The following FGD3 variants were observed in gnomAD, a reference collection of about 807,000 sequenced individuals.
FGD3 encodes the protein FYVE, RhoGEF and PH domain-containing protein 3.
Under a neutral mutation model 71.8 loss-of-function variants are expected in FGD3, and 45 were observed. That is an observed-to-expected ratio of 0.63 (90% CI 0.49 to 0.80). The LOEUF is 0.80. Ranked by LOEUF, FGD3 falls within the 30% of genes least tolerant of loss-of-function variation. The probability of loss-of-function intolerance (pLI) is 0.00; values close to 1 mark genes in which losing one functional copy is unlikely to be tolerated. For missense variants in FGD3, 844 were observed against 951.5 expected, an observed-to-expected ratio of 0.89 and a Z score of 1.49; for synonymous variants, 378 against 392.8, an observed-to-expected ratio of 0.96 and a Z score of 0.44.
chr9:92,994,382 G>A (rs1860546314), intron 3 of FGD3, among the ~76,000 whole-genome samples: 3 of 151,862 alleles, frequency 2.0e-5, no homozygotes, highest in South Asian at 2.1e-4. Context: ...TTGTCAGATG[G>A]GTAGATTGCA....
chr9:93,030,083 C>A, intron 15 of FGD3, 87 bp downstream of exon 15: 2 of 1,487,928 alleles, frequency 1.3e-6, no homozygotes, highest in South Asian at 2.4e-5. Flanking sequence ...AGCAGCACAC[C>A]AGCCATGCAC....
intron 3 of FGD3, among the ~76,000 whole-genome samples, chr9:92,991,533 G>C (rs988266766): frequency 6.6e-6 from 1 of 151,902 alleles, no homozygotes. Context: ...ATATAATTTT[G>C]ATTTAAAAAA....
In FGD3 at chr9:93,003,977, A is replaced by T. The variant is rs758992365; in HGVS notation, c.544-24A>T. 2.5e-6 allele frequency: 4 copies of T among 1,613,396 alleles called. No homozygotes were observed. The Admixed American group carries it at 6.7e-5, about 27-fold the overall frequency. ...GCTCAGTGGAAGAGGCTCACTGGCC[A>T]CACGTGGGCTTCTCTATGCTCAGGT... On this transcript the variant is annotated intron_variant, in intron 4 of 17. Transcript: ENST00000375482. This position sits in a 1 kb window ranked among gnomAD's most constrained non-coding sequence, Gnocchi z 4.1.
intron 1 of FGD3, among the ~76,000 whole-genome samples, chr9:92,956,667 C>T (rs1157334196): frequency 6.6e-6 from 1 of 152,124 alleles, no homozygotes; most frequent in African/African-American, 2.4e-5. Flanking sequence ...TTTCAGCCAC[C>T]TAGCCAGTGG....
At chr9:92,958,567 G>GT (rs1432398274) in intron 1 of FGD3, among the ~76,000 whole-genome samples, 1 of 152,170 alleles carries the variant, frequency 6.6e-6, no homozygotes, top group East Asian at 1.9e-4. Context: ...ATATTTTCAG[G>GT]TTGAAGAAGT....
At chr9:92,968,553 C>T (rs375798016) in intron 1 of FGD3, among the ~76,000 whole-genome samples, 117 of 152,112 alleles carry the variant, frequency 7.7e-4, no homozygotes, top group African/African-American at 2.6e-3. Flanking sequence ...TTCCAGGCAC[C>T]GCTAGGTCAC....
chr9:93,010,536 A>AGAGGC, intron 7 of FGD3, 152 bp downstream of exon 7: 1 of 774,782 alleles, frequency 1.3e-6, no homozygotes, highest in Non-Finnish European at 1.9e-6. Context: ...AGACAGAGGC[A>AGAGGC]GGGGAGGGAG....
At chr9:92,955,095 T>G (rs1387196815) in intron 1 of FGD3, among the ~76,000 whole-genome samples, 1 of 151,838 alleles carries the variant, frequency 6.6e-6, no homozygotes, top group African/African-American at 2.4e-5. Flanking sequence ...CCCGTGAGGG[T>G]AGGGAGAGGT....
chr9:92,977,735 C>T (rs1214018890), intron 3 of FGD3, among the ~76,000 whole-genome samples: 2 of 152,116 alleles, frequency 1.3e-5, no homozygotes, highest in Non-Finnish European at 2.9e-5. Flanking sequence ...AGTCAGAAGG[C>T]AGAGGGTTCG....
chr9:93,021,851 G>T (rs919307478), intron 13 of FGD3, among the ~76,000 whole-genome samples: 6 of 152,344 alleles, frequency 3.9e-5, no homozygotes, highest in African/African-American at 1.2e-4. Context: ...ACTGCCTTGA[G>T]TGGAGGTGAC....
chr9:92,978,551 G>A (rs1859858557), intron 3 of FGD3, among the ~76,000 whole-genome samples: 1 of 151,830 alleles, frequency 6.6e-6, no homozygotes, highest in Non-Finnish European at 1.5e-5. Context: ...CTGCACACTT[G>A]CGTGCATTTG....
chr9:92,996,171 T>G (rs559306005), intron 3 of FGD3, among the ~76,000 whole-genome samples: 2 of 152,322 alleles, frequency 1.3e-5, no homozygotes, highest in South Asian at 2.1e-4. Flanking sequence ...TATTGGTCTA[T>G]TCAGGGATTC....
chr9:93,015,292 C>T (rs1476896725), intron 9 of FGD3, among the ~76,000 whole-genome samples: 1 of 151,980 alleles, frequency 6.6e-6, no homozygotes. Context: ...CCCATCTCTA[C>T]TAAAAATGCA....
intron 6 of FGD3, among the ~76,000 whole-genome samples, chr9:93,009,249 C>A (rs1015154359): frequency 7.0e-6 from 1 of 142,594 alleles, no homozygotes; most frequent in Middle Eastern, 3.4e-3. Context: ...GGCAACAGAG[C>A]GAGACTCCGT....
At chr9:92,972,021 C>T (rs915958654) in intron 1 of FGD3, among the ~76,000 whole-genome samples, 6 of 142,414 alleles carry the variant, frequency 4.2e-5, no homozygotes, top group African/African-American at 1.6e-4. Flanking sequence ...GATCTGCTTC[C>T]TAGCACCATA....
intron 1 of FGD3, among the ~76,000 whole-genome samples, chr9:92,950,815 C>T (rs777208415): frequency 2.1e-4 from 32 of 152,196 alleles, no homozygotes; most frequent in Non-Finnish European, 3.2e-4. Flanking sequence ...AATCTGTGGA[C>T]GACAGCCCCT....
In FGD3 at chr9:93,015,784, C is replaced by T. The variant is rs1318705661; in HGVS notation, c.1230C>T (p.Gly410=). The stretch of plus-strand genomic sequence containing the variant: ...GTGTGCCCAAGCTGCGGCTCATGGG[C>T]CAGAAGTTCAGCGTCCGGGAGAAGA... ...LYCVPKLRLM[G]QKFSVREKMD... Residue 410 remains glycine, a synonymous_variant, in exon 10 of 18, where the codon GGC becomes GGT. Coordinates refer to ENST00000375482, the MANE Select transcript of FGD3 (RefSeq NM_001083536.2). 5.6e-6 allele frequency: 9 copies of T among 1,614,034 alleles called. No individual in the cohort carries two copies. The highest frequency in any genetic ancestry group is 7.6e-6 in the Non-Finnish European group (9 of 1,180,036).
At chr9:92,971,332 G>C (rs894623388) in intron 1 of FGD3, among the ~76,000 whole-genome samples, 2 of 151,942 alleles carry the variant, frequency 1.3e-5, no homozygotes, top group African/African-American at 4.8e-5. Context: ...TGATTTGAGG[G>C]CCTCCGATGA....
intron 3 of FGD3, among the ~76,000 whole-genome samples, chr9:92,994,228 AT>A (rs1860539059): frequency 6.6e-6 from 1 of 151,758 alleles, no homozygotes; most frequent in Non-Finnish European, 1.5e-5. Flanking sequence ...GATGATGAGC[AT>A]TTTTTCATGT....
Sources: gnomAD v4.1 joint callset for allele counts (sites outside exome capture counted in the v4.1 genomes callset) on GRCh38, gnomAD v4.1.1 for gene constraint, Gnocchi (gnomAD v3.1) non-coding constraint, MANE v1.5 for transcripts, NCBI Gene and HGNC (gene_info 2026-07-23, HGNC 2026-07-21) for gene names.